NELFCD: variants seen among roughly 807,000 people sequenced by gnomAD.
NELFCD encodes the protein negative elongation factor complex member C/D, also known as negative elongation factor C/D.
In NELFCD, 48 loss-of-function variants were observed where a neutral mutation model predicts 72.9. The ratio of observed to expected loss-of-function variants is 0.66; its 90% CI spans 0.52 to 0.84. The LOEUF (loss-of-function observed/expected upper bound fraction) is 0.84. Ranked by LOEUF, NELFCD falls within the 40% of genes least tolerant of loss-of-function variation. The pLI is 0.00. For synonymous variants in NELFCD, 297 were observed against 280.6 expected (o/e 1.06, Z -0.59); for missense variants, 538 against 723.8 (o/e 0.74, Z 2.94).
chr20:58,987,037 C>T (rs779798313), intron 3 of NELFCD, 174 bp downstream of exon 3: 45 of 545,800 alleles, frequency 8.2e-5, no homozygotes, highest in Non-Finnish European at 1.3e-4. Flanking sequence ...TCATTTGTAT[C>T]TGCTTGCCTC....
chr20:58,981,328 G>C lies in NELFCD; in HGVS notation c.19G>C (p.Gly7Arg). 1 of 1,104,886 alleles carries C rather than the reference G, an allele frequency of 9.1e-7. No individual in the cohort carries two copies. Among genetic ancestry groups the C allele is most frequent in the Non-Finnish European group, 1.1e-6 (1 of 903,028 alleles). 68.4% of individuals were successfully genotyped at this position (1,104,886 alleles called of 1,614,324 possible). MDEDYY[G>R]SAAEWGDEAD... Reference sequence around the variant, plus strand: ...CGCCATCATGGACGAGGACTACTACGGGAGCGCGGCCGAGTGGGGCGACGA... The same window carrying C: ...CGCCATCATGGACGAGGACTACTACCGGAGCGCGGCCGAGTGGGGCGACGA... Residue 7 changes from glycine to arginine, a missense_variant, in exon 1 of 15, where the codon GGG becomes CGG. Gly to Arg is a moderately radical substitution (Grantham distance 125). Transcript: ENST00000652272.
chr20:58,988,886 A>G (rs745393360), intron 4 of NELFCD, 28 bp from the exon 5 acceptor site: 10 of 1,545,470 alleles, frequency 6.5e-6, no homozygotes, highest in African/African-American at 2.7e-5. Context: ...GCCTCCTCCT[A>G]TCTTGCTGTT....
At chr20:58,989,436 G>T in intron 5 of NELFCD, 52 bp from the exon 6 acceptor site, 1 of 1,598,084 alleles carries the variant, frequency 6.3e-7, no homozygotes, top group Non-Finnish European at 8.6e-7. Context: ...AGCTTCCCGT[G>T]GAGGTGCGGT....
chr20:58,990,645 A>G (rs911570980), intron 7 of NELFCD: 2 of 374,616 alleles, frequency 5.3e-6, no homozygotes, highest in African/African-American at 4.1e-5. Context: ...ACAGTGTCGC[A>G]AAATGAGCTC....
chr20:58,991,234 G>A (rs2091814356), intron 8 of NELFCD, 78 bp from the exon 9 acceptor site: 5 of 1,598,892 alleles, frequency 3.1e-6, no homozygotes, highest in South Asian at 1.1e-5. Flanking sequence ...CCCCTGCTGT[G>A]TAGGGAACCC....
chr20:58,984,748 G>T (rs943355133), intron 1 of NELFCD, among the ~76,000 whole-genome samples: 1 of 152,152 alleles, frequency 6.6e-6, no homozygotes, highest in African/African-American at 2.4e-5. Context: ...GAGGAAAGAC[G>T]GAGAGAGAGA....
At position 58,991,678 on chromosome 20, in the gene NELFCD, T is replaced by G. The variant is rs79842157; in HGVS notation, c.1090-203T>G. 101 of 744,246 alleles carry G rather than the reference T, an allele frequency of 1.4e-4. No individual in the cohort carries two copies. The East Asian group carries it at 2.6e-3, about 20-fold the overall frequency. 46.1% of individuals were successfully genotyped at this position (744,246 alleles called of 1,614,324 possible). On this transcript the variant is annotated intron_variant, in intron 9 of 14. Transcript: ENST00000652272. ...AATGTGACTAAAGAAATGAAACTGA[T>G]TTCCGTAAGACATGGACAAACACTA...
intron 9 of NELFCD, 157 bp from the exon 10 acceptor site, chr20:58,991,724 C>T (rs1456853570): frequency 3.5e-6 from 3 of 846,270 alleles, no homozygotes; most frequent in Non-Finnish European, 5.4e-6. Flanking sequence ...TTTTCAGTTT[C>T]TGTACACTGT....
chr20:58,987,895 A>G (rs1601213495), intron 4 of NELFCD, 78 bp downstream of exon 4: 3 of 1,061,644 alleles, frequency 2.8e-6, no homozygotes, highest in Non-Finnish European at 4.3e-6. Flanking sequence ...GGAGCGTGGC[A>G]TATCATGTAA....
Position 58,993,383 on chromosome 20 carries a change from C to T in NELFCD, c.1345-66C>T. 1 of 1,480,536 alleles carries T rather than the reference C, an allele frequency of 6.8e-7. No individual in the cohort carries two copies. The allele number at this position is 1,480,536 out of a possible 1,614,324, so 91.7% of individuals were successfully genotyped here. A position where few individuals can be genotyped will look rare whatever the true frequency, so the allele number is the denominator to read the frequency against. On this transcript the variant is annotated intron_variant, in intron 11 of 14. Coordinates refer to ENST00000652272, the MANE Select transcript of NELFCD (RefSeq NM_198976.4). This position sits in a 1 kb window ranked among gnomAD's most constrained non-coding sequence, Gnocchi z 5.0. ...AAGCTCTTTGGTGGCTGTGACAGTG[C>T]CCAGTTTCTCTGTGTGCTGAGCGTG...
chr20:58,984,928 C>T lies in NELFCD; in HGVS notation c.61-1165C>T, dbSNP rs112926065. Among the ~76,000 whole-genome samples the T allele has an allele frequency of 1.8e-4, 28 of 152,304 alleles. 1 individual carries two copies. Among genetic ancestry groups the T allele is most frequent in the African/African-American group, 6.7e-4 (28 of 41,560 alleles). ...ATGCCCTTAGGGGCTCAGCGTTCCCCATGCAAATCTGGTCTGAGAGAAGAC... is the reference window on the plus strand; with the variant it reads ...ATGCCCTTAGGGGCTCAGCGTTCCCTATGCAAATCTGGTCTGAGAGAAGAC... On this transcript the variant is annotated intron_variant, in intron 1 of 14. Coordinates refer to ENST00000652272, the MANE Select transcript of NELFCD (RefSeq NM_198976.4).
Position 58,993,433 on chromosome 20 carries a change from T to A in NELFCD, c.1345-16T>A. 6.2e-7 allele frequency: 1 copy of A among 1,612,592 alleles called. No individual in the cohort carries two copies. Among genetic ancestry groups the A allele is most frequent in the Admixed American group, 1.7e-5 (1 of 60,004 alleles). ...GACCACACTGCTCAGCGAAGCTCCC[T>A]CTGGCCTGTTTGTAGATCAGCACCT... On this transcript the variant is annotated splice_polypyrimidine_tract_variant and intron_variant, in intron 11 of 14. Transcript: ENST00000652272. This position sits in a 1 kb window ranked among gnomAD's most constrained non-coding sequence, Gnocchi z 5.0.
chr20:58,989,413 A>G, intron 5 of NELFCD, 75 bp from the exon 6 acceptor site: 3 of 1,564,118 alleles, frequency 1.9e-6, no homozygotes, highest in Non-Finnish European at 2.6e-6. Flanking sequence ...CTCACCATGA[A>G]CACTGACAAG....
At chr20:58,989,380 C>A in intron 5 of NELFCD, 108 bp from the exon 6 acceptor site, 1 of 1,340,174 alleles carries the variant, frequency 7.5e-7, no homozygotes, top group Non-Finnish European at 1.0e-6. Context: ...CTGAGACCCA[C>A]GACCAGCGCA....
chr20:58,991,333 G>A lies in NELFCD; in HGVS notation c.976G>A (p.Asp326Asn). 1 of 1,614,164 alleles carries A rather than the reference G, an allele frequency of 6.2e-7. No homozygotes were observed. The highest frequency in any genetic ancestry group is 1.6e-4 in the Middle Eastern group (1 of 6,062). The change falls in exon 9 of 15, where the codon GAC (aspartate) becomes AAC (asparagine). Residue 326 changes from aspartate to asparagine, a missense_variant. Asp to Asn is a conservative substitution (Grantham distance 23). Coordinates refer to ENST00000652272, the MANE Select transcript of NELFCD (RefSeq NM_198976.4). ...VELIRVPAFL[D>N]LFMQSLFKPG... ...TCAGATCCGCGTTCCAGCCTTCCTG[G>A]ACCTGTTCATGCAGTCACTCTTTAA...
rs753196531 is a variant in NELFCD, at chr20:58,989,641, G to T, written c.657+1G>T. ...TGAAAAAAATCTCCCTGAGTTTGCC[G>T]TAAGTTCTTTCTTTATGAACCTCAG... On this transcript the variant is annotated splice_donor_variant, in intron 6 of 14. Transcript: ENST00000652272. LOFTEE classifies it high-confidence loss of function. The T allele has an allele frequency of 6.2e-7, 1 of 1,614,198 alleles. No homozygotes were observed. The highest frequency in any genetic ancestry group is 8.5e-7 in the Non-Finnish European group (1 of 1,180,016).
Position 58,986,261 on chromosome 20 carries a change from A to G in NELFCD, c.176+53A>G. The G allele has an allele frequency of 2.5e-6, 3 of 1,202,006 alleles. No homozygotes were observed. The African/African-American group carries it at 4.5e-5, about 18-fold the overall frequency. The allele number at this position is 1,202,006 out of a possible 1,614,324, so 74.5% of individuals were successfully genotyped here. ...AGGAGGCTGGGGGTAATTTAGAGAA[A>G]GTTTTGTAATACACCCAGAAGGTGC... is the stretch of plus-strand genomic sequence containing the variant. On this transcript the variant is annotated intron_variant, in intron 2 of 14. Transcript: ENST00000652272. The surrounding 1 kb of genome is among the most constrained non-coding windows in gnomAD (Gnocchi z 4.4).
intron 10 of NELFCD, 97 bp from the exon 11 acceptor site, chr20:58,992,901 G>A: frequency 1.2e-6 from 1 of 828,602 alleles, no homozygotes. Context: ...GAATGATGGA[G>A]TCATTTGAGT....
chr20:58,993,115 A>G lies in NELFCD; in HGVS notation c.1344+3A>G, dbSNP rs758561018. On this transcript the variant is annotated splice_donor_region_variant and intron_variant, in intron 11 of 14. Coordinates refer to ENST00000652272, the MANE Select transcript of NELFCD (RefSeq NM_198976.4). This position sits in a 1 kb window ranked among gnomAD's most constrained non-coding sequence, Gnocchi z 5.0. ...TCCACCTGGCGTTGCTGGATGAGGTAAGAGGGCGGAGAGCTGTTCACAGCC... is the reference window on the plus strand; with the variant it reads ...TCCACCTGGCGTTGCTGGATGAGGTGAGAGGGCGGAGAGCTGTTCACAGCC... 5 of 1,607,484 alleles carry G rather than the reference A, an allele frequency of 3.1e-6. No individual in the cohort carries two copies. Among genetic ancestry groups the G allele is most frequent in the South Asian group, 2.2e-5 (2 of 90,956 alleles).
Sources: allele counts gnomAD v4.1 joint callset (sites outside exome capture counted in the v4.1 genomes callset), GRCh38; gene constraint gnomAD v4.1.1; non-coding constraint Gnocchi (gnomAD v3.1); transcripts MANE v1.5; gene names NCBI Gene and HGNC (gene_info 2026-07-23, HGNC 2026-07-21).